Variants in C1orf87 observed in about 807,000 individuals in gnomAD.
C1orf87 encodes the protein chromosome 1 open reading frame 87, also known as uncharacterized protein C1orf87.
A neutral mutation model predicts 60.5 loss-of-function variants in C1orf87; 58 were observed. The ratio of observed to expected loss-of-function variants is 0.96; its 90% CI spans 0.78 to 1.19. C1orf87 has a LOEUF of 1.19. C1orf87 is among the 50% of genes most tolerant of loss of function. The pLI is 0.00. For missense variants in C1orf87, 673 were observed against 638.6 expected (o/e 1.05, Z -0.58); for synonymous variants, 236 against 227.4 (o/e 1.04, Z -0.34).
chr1:60,035,537 C>G (rs1421737880), intron 6 of C1orf87, among the ~76,000 whole-genome samples: 2 of 152,198 alleles, frequency 1.3e-5, no homozygotes, highest in Non-Finnish European at 2.9e-5. Context: ...AGAGGATTTT[C>G]CTGATCCATA....
intron 8 of C1orf87, among the ~76,000 whole-genome samples, chr1:60,011,483 C>T (rs534728584): frequency 6.6e-6 from 1 of 151,980 alleles, no homozygotes; most frequent in African/African-American, 2.4e-5. Context: ...CTGCCTTACT[C>T]TTTGGTTCTA....
intron 8 of C1orf87, among the ~76,000 whole-genome samples, chr1:60,017,274 T>C (rs781557910): frequency 6.6e-6 from 1 of 152,244 alleles, no homozygotes; most frequent in Non-Finnish European, 1.5e-5. Flanking sequence ...AATAGCTTGC[T>C]ACCTAACACT....
In C1orf87 at chr1:60,043,139, T is replaced by C. The variant is rs374929153; in HGVS notation, c.343-2008A>G. On this transcript the variant is annotated intron_variant, in intron 3 of 11. Coordinates refer to ENST00000371201, the MANE Select transcript of C1orf87 (RefSeq NM_152377.3). The stretch of plus-strand genomic sequence containing the variant: ...TGCTTTCAGAGCATAGTTTAACTTT[T>C]GGAAAAGGCAAAAGATAAGCCTGGA... Among the ~76,000 whole-genome samples, 5 of 152,282 alleles carry C rather than the reference T, an allele frequency of 3.3e-5. No homozygotes were observed. The East Asian group carries it at 7.7e-4, about 23-fold the overall frequency.
At chr1:60,022,701 A>C (rs940125447) in intron 8 of C1orf87, among the ~76,000 whole-genome samples, 13 of 152,164 alleles carry the variant, frequency 8.5e-5, no homozygotes, top group African/African-American at 3.1e-4. Context: ...CACATAAGAA[A>C]GTATTTTACA....
rs146233644 is a variant in C1orf87, at chr1:60,028,702, C to T, written c.1030-3204G>A. ...ATTTTACCTCTTCATTCTGCTTAAA[C>T]TCTGTTTACCAAGTTACTAGGAACC... On this transcript the variant is annotated intron_variant, in intron 7 of 11. Coordinates refer to ENST00000371201, the MANE Select transcript of C1orf87 (RefSeq NM_152377.3). Among the ~76,000 whole-genome samples the T allele has an allele frequency of 3.5e-3, 540 of 152,276 alleles. 3 individuals carry two copies. Among genetic ancestry groups the T allele is most frequent in the African/African-American group, 0.012 (513 of 41,562 alleles).
intron 2 of C1orf87, among the ~76,000 whole-genome samples, chr1:60,069,459 C>T (rs1005242656): frequency 4.0e-5 from 6 of 151,790 alleles, no homozygotes; most frequent in South Asian, 2.1e-4. Context: ...TGTTGGAAGG[C>T]GGTTATAGTG....
chr1:60,027,497 C>T (rs1645207826), intron 7 of C1orf87, among the ~76,000 whole-genome samples: 2 of 152,208 alleles, frequency 1.3e-5, no homozygotes, highest in African/African-American at 4.8e-5. Flanking sequence ...CGTGCCTGCT[C>T]CTCTTAGCAA....
chr1:60,060,083 TC>T (rs1645484546), intron 2 of C1orf87, among the ~76,000 whole-genome samples: 1 of 125,832 alleles, frequency 7.9e-6, no homozygotes, highest in Non-Finnish European at 1.8e-5. Context: ...GTTTTTTGTT[TC>T]TTTTTCTTTT....
intron 9 of C1orf87, among the ~76,000 whole-genome samples, chr1:60,008,177 C>T (rs941555231): frequency 1.3e-5 from 2 of 152,028 alleles, no homozygotes; most frequent in South Asian, 2.1e-4. Context: ...TGGAGAGTGA[C>T]ACGTTGCCTA....
Position 60,038,012 on chromosome 1 carries a change from AC to A in C1orf87, c.842del (p.Ser281IlefsTer20), listed in dbSNP as rs765250483. The A allele has an allele frequency of 1.9e-6, 3 of 1,609,276 alleles. No homozygotes were observed. In the South Asian group the frequency reaches 3.3e-5, roughly 18 times the overall value. On this transcript the variant is annotated frameshift_variant, in exon 6 of 12. Coordinates refer to ENST00000371201, the MANE Select transcript of C1orf87 (RefSeq NM_152377.3). LOFTEE classifies it high-confidence loss of function. ...KAAADLRKTE[S>X]HGTHSQSTPP... Reference sequence around the variant, plus strand: ...AGTACCTTTGGCTATGAGTGCCATGACTCTCAGTTTTTCTCAGGTCTGCAGC... The same window carrying A: ...AGTACCTTTGGCTATGAGTGCCATGATCTCAGTTTTTCTCAGGTCTGCAGC...
intron 7 of C1orf87, among the ~76,000 whole-genome samples, chr1:60,027,170 T>G (rs1447742301): frequency 6.6e-6 from 1 of 152,222 alleles, no homozygotes; most frequent in Non-Finnish European, 1.5e-5. Flanking sequence ...TTCGCAGGGC[T>G]TTGTTGACCC....
chr1:59,994,727 C>T (rs1270071077), intron 11 of C1orf87, among the ~76,000 whole-genome samples: 2 of 152,148 alleles, frequency 1.3e-5, no homozygotes, highest in African/African-American at 4.8e-5. Flanking sequence ...AGAATAAGCA[C>T]AGTAGGTTCC....
chr1:60,002,953 C>T (rs1460479785), intron 9 of C1orf87, among the ~76,000 whole-genome samples: 1 of 151,658 alleles, frequency 6.6e-6, no homozygotes, highest in Non-Finnish European at 1.5e-5. Context: ...CCATTTGACC[C>T]AGCCATCCCA....
chr1:60,069,632 G>A (rs762086869), intron 2 of C1orf87, among the ~76,000 whole-genome samples: 14 of 152,154 alleles, frequency 9.2e-5, no homozygotes, highest in Admixed American at 2.6e-4. Flanking sequence ...TAAGGAAAGA[G>A]GGAAGGAGAG....
intron 1 of C1orf87, among the ~76,000 whole-genome samples, chr1:60,072,979 G>A (rs781610918): frequency 6.6e-6 from 1 of 152,196 alleles, no homozygotes; most frequent in African/African-American, 2.4e-5. Flanking sequence ...ATCATTAGGT[G>A]ACTCTACCTT....
chr1:60,062,558 G>A (rs770257121), intron 2 of C1orf87, among the ~76,000 whole-genome samples: 4 of 152,016 alleles, frequency 2.6e-5, no homozygotes, highest in Non-Finnish European at 4.4e-5. Context: ...TCTCATTACT[G>A]TTTACATTTC....
chr1:60,015,224 T>C (rs756653589), intron 8 of C1orf87, among the ~76,000 whole-genome samples: 15 of 152,114 alleles, frequency 9.9e-5, no homozygotes, highest in Non-Finnish European at 2.2e-4. Flanking sequence ...GGGATTAGTG[T>C]TCTTATAAAG....
intron 10 of C1orf87, 40 bp from the exon 11 acceptor site, chr1:59,997,856 C>G (rs1467449921): frequency 2.0e-5 from 31 of 1,584,260 alleles, no homozygotes; most frequent in Non-Finnish European, 2.7e-5. Context: ...CATTCACCAC[C>G]CAGAGCTTCT....
At chr1:60,010,015 CTTT>C (rs34236824) in intron 9 of C1orf87, among the ~76,000 whole-genome samples, 1 of 143,014 alleles carries the variant, frequency 7.0e-6, no homozygotes, top group African/African-American at 2.6e-5. Flanking sequence ...TCTCACAGGT[CTTT>C]TTTTTTTTTG....
Sources: allele counts gnomAD v4.1 joint callset (sites outside exome capture counted in the v4.1 genomes callset), GRCh38; gene constraint gnomAD v4.1.1; transcripts MANE v1.5; gene names NCBI Gene and HGNC (gene_info 2026-07-23, HGNC 2026-07-21).